Variants in ABCB4 observed in about 807,000 individuals in gnomAD.
ABCB4 encodes phosphatidylcholine translocator ABCB4.
Under a neutral mutation model 145.7 loss-of-function variants are expected in ABCB4, and 76 were observed. That is an observed-to-expected ratio of 0.52 (90% CI 0.43 to 0.63). The LOEUF is 0.63. ABCB4 is among the 30% of genes least tolerant of loss of function. The probability of loss-of-function intolerance (pLI) is 0.00; values close to 1 mark genes in which losing one functional copy is unlikely to be tolerated. For synonymous variants in ABCB4, 517 were observed against 566.8 expected (o/e 0.91, Z 1.25); for missense variants, 1,234 against 1,553.1 (o/e 0.79, Z 3.45).
intron 12 of ABCB4, 131 bp downstream of exon 12, chr7:87,443,188 T>C (rs1811096942): frequency 8.6e-7 from 1 of 1,157,954 alleles, no homozygotes; most frequent in African/African-American, 1.5e-5. Flanking sequence ...GCATTATCCA[T>C]CGGCATTGCC....
chr7:87,474,270 C>T (rs1385935713), intron 2 of ABCB4, among the ~76,000 whole-genome samples: 1 of 152,222 alleles, frequency 6.6e-6, no homozygotes, highest in Non-Finnish European at 1.5e-5. Context: ...CAATCCCTGC[C>T]TAAACAGCCA....
At chr7:87,432,421 T>A (rs1165761550) in intron 14 of ABCB4, among the ~76,000 whole-genome samples, 1 of 152,138 alleles carries the variant, frequency 6.6e-6, no homozygotes, top group Non-Finnish European at 1.5e-5. Context: ...GGTTAACATA[T>A]AAATTAAAAA....
intron 27 of ABCB4, among the ~76,000 whole-genome samples, 174 bp from the exon 28 acceptor site, chr7:87,402,476 T>C (rs558826305): frequency 1.3e-5 from 2 of 152,352 alleles, no homozygotes; most frequent in South Asian, 4.1e-4. Context: ...TACATAGTTA[T>C]GTTCTGCTTT....
chr7:87,456,357 T>A (rs1812100554), intron 4 of ABCB4, among the ~76,000 whole-genome samples: 2 of 152,158 alleles, frequency 1.3e-5, no homozygotes, highest in African/African-American at 4.8e-5. Context: ...TGGGGCCTGA[T>A]GGGAGGTGTT....
the ABCB4 span, among the ~76,000 whole-genome samples, chr7:87,396,400 C>G: frequency 6.6e-6 from 1 of 152,184 alleles, no homozygotes; most frequent in African/African-American, 2.4e-5. Context: ...AGTGCCAGAA[C>G]TGATGTTAGA....
intron 14 of ABCB4, among the ~76,000 whole-genome samples, chr7:87,433,504 T>C (rs2116625911): frequency 6.6e-6 from 1 of 152,180 alleles, no homozygotes; most frequent in East Asian, 1.9e-4. Flanking sequence ...TGATAATAGG[T>C]TGATGATATG....
intron 10 of ABCB4, 24 bp downstream of exon 10, chr7:87,444,838 G>A (rs1376029320): frequency 6.5e-7 from 1 of 1,544,634 alleles, no homozygotes; most frequent in African/African-American, 1.4e-5. Flanking sequence ...ACTTCTTTTG[G>A]CACTAAAATA....
the ABCB4 span, chr7:87,382,215 A>AT: frequency 3.0e-5 from 46 of 1,539,536 alleles, 1 homozygote; most frequent in Middle Eastern, 3.4e-4. Flanking sequence ...AATAATAATG[A>AT]TTTTTTCTTT....
the ABCB4 span, among the ~76,000 whole-genome samples, chr7:87,374,460 G>A: frequency 3.3e-5 from 5 of 152,040 alleles, no homozygotes; most frequent in Admixed American, 3.3e-4. Flanking sequence ...TAAGGGAAAG[G>A]TAGCAACAAG....
the ABCB4 span, among the ~76,000 whole-genome samples, chr7:87,371,587 T>C: frequency 3.3e-5 from 5 of 152,220 alleles, no homozygotes; most frequent in Non-Finnish European, 5.9e-5. Flanking sequence ...TTTAAAATTT[T>C]TGACTGAGTC....
At chr7:87,373,140 G>C in the ABCB4 span, among the ~76,000 whole-genome samples, 1 of 151,954 alleles carries the variant, frequency 6.6e-6, no homozygotes, top group Non-Finnish European at 1.5e-5. Flanking sequence ...TTATTGTAGC[G>C]ATGCTAGTAA....
At position 87,431,503 on chromosome 7, in the gene ABCB4, A is replaced by G. The variant is rs771002552; in HGVS notation, c.1794T>C (p.Asp598=). Residue 598 remains aspartate, a synonymous_variant, in exon 15 of 28, where the codon GAT becomes GAC. Coordinates refer to ENST00000649586, the MANE Select transcript of ABCB4 (RefSeq NM_000443.4). ...CTCCATCCTCAAACCCAGCGATGAC[A>G]TCTGCATTTCGGACCGTAGACAGTC... ...AHRLSTVRNA[D]VIAGFEDGVI... The G allele has an allele frequency of 6.2e-7, 1 of 1,614,144 alleles. No individual in the cohort carries two copies. The highest frequency in any genetic ancestry group is 1.1e-5 in the South Asian group (1 of 91,082).
intron 22 of ABCB4, among the ~76,000 whole-genome samples, chr7:87,413,380 A>G (rs112194932): frequency 3.9e-5 from 6 of 152,350 alleles, no homozygotes; most frequent in Admixed American, 6.5e-5. Flanking sequence ...GCAATTCTCT[A>G]TATCTTTTAC....
At chr7:87,398,408 C>A, downstream of ABCB4, 1 of 1,284,076 alleles carries the variant, frequency 7.8e-7, no homozygotes, top group Non-Finnish European at 1.1e-6. Flanking sequence ...TACCTAATGT[C>A]AGCAAGACTT....
At chr7:87,442,338 A>G (rs1410782921) in intron 12 of ABCB4, among the ~76,000 whole-genome samples, 1 of 152,046 alleles carries the variant, frequency 6.6e-6, no homozygotes, top group Non-Finnish European at 1.5e-5. Context: ...AATTCTGGAG[A>G]TCTCTGTTCT....
At chr7:87,376,051 G>T in the ABCB4 span, 1 of 1,199,684 alleles carries the variant, frequency 8.3e-7, no homozygotes. Context: ...CTACCTTTAG[G>T]CTCTTGAAAC....
the ABCB4 span, chr7:87,382,509 G>T: frequency 1.2e-6 from 2 of 1,613,862 alleles, no homozygotes; most frequent in Non-Finnish European, 8.5e-7. Flanking sequence ...TATTCAGCTT[G>T]CACTTCAGCT....
the ABCB4 span, among the ~76,000 whole-genome samples, chr7:87,391,342 G>C: frequency 6.6e-6 from 1 of 152,202 alleles, no homozygotes; most frequent in African/African-American, 2.4e-5. Context: ...AGGAATCACG[G>C]GGGCCATCTT....
chr7:87,452,860 T>A, intron 6 of ABCB4, 84 bp downstream of exon 6: 1 of 1,468,366 alleles, frequency 6.8e-7, no homozygotes, highest in Non-Finnish European at 9.5e-7. Flanking sequence ...TCTAGTAACA[T>A]TTTTCATTTA....
Sources: allele counts gnomAD v4.1 joint callset (sites outside exome capture counted in the v4.1 genomes callset), GRCh38; gene constraint gnomAD v4.1.1; transcripts MANE v1.5; gene names NCBI Gene and HGNC (gene_info 2026-07-23, HGNC 2026-07-21).